The following UPF3A variants were observed in gnomAD, a reference collection of about 807,000 sequenced individuals.
The protein encoded by UPF3A is regulator of nonsense transcripts 3A.
UPF3A carries 42 observed loss-of-function variants against 53.5 expected under a neutral mutation model. The ratio of observed to expected loss-of-function variants is 0.78; its 90% confidence interval spans 0.61 to 1.01. The LOEUF is 1.01. Among genes scored for constraint, UPF3A ranks in the 50% least tolerant of loss-of-function variants. The pLI, the probability that UPF3A is intolerant of heterozygous loss-of-function variation, is 0.00. For missense variants in UPF3A, 575 were observed against 598.0 expected, an observed-to-expected ratio of 0.96 and a Z score of 0.40; for synonymous variants, 237 against 225.3, an observed-to-expected ratio of 1.05 and a Z score of -0.47.
intron 3 of UPF3A, 163 bp downstream of exon 3, chr13:114,283,106 C>T: frequency 5.4e-6 from 3 of 550,534 alleles, no homozygotes; most frequent in Non-Finnish European, 9.4e-6. Context: ...TCACTGCAGC[C>T]TCACACTGCG....
chr13:114,302,091 A>G, intron 9 of UPF3A, 66 bp downstream of exon 9: 2 of 1,395,846 alleles, frequency 1.4e-6, no homozygotes, highest in East Asian at 2.5e-5. Context: ...CATGCTGACC[A>G]TGTCACCCCC....
intron 3 of UPF3A, chr13:114,283,321 A>G (rs527256928): frequency 3.2e-5 from 5 of 155,344 alleles, no homozygotes; most frequent in African/African-American, 1.2e-4. Flanking sequence ...CATCCGGTCT[A>G]TTTGTGCATT....
intron 3 of UPF3A, chr13:114,285,904 G>A (rs1285115412): frequency 3.0e-5 from 5 of 166,518 alleles, no homozygotes; most frequent in Admixed American, 2.5e-4. Context: ...AAATTATTTG[G>A]GATGGGGCTG....
At chr13:114,291,362 CAG>C in intron 5 of UPF3A, 125 bp from the exon 6 acceptor site, 3 of 903,052 alleles carry the variant, frequency 3.3e-6, no homozygotes, top group East Asian at 2.9e-5. Flanking sequence ...CCCCTGGAGA[CAG>C]TGTGTAAATT....
At chr13:114,302,849 C>A (rs931992901) in intron 9 of UPF3A, among the ~76,000 whole-genome samples, 1 of 152,216 alleles carries the variant, frequency 6.6e-6, no homozygotes, top group Non-Finnish European at 1.5e-5. Context: ...CACCTATAAT[C>A]CCAGCACTTT....
In UPF3A at chr13:114,304,843, T is replaced by C. The variant is rs2086896416; in HGVS notation, c.1357T>C (p.Cys453Arg). Residue 453 changes from cysteine (C) to arginine (R), a missense_variant, in exon 10 of 10, where the codon TGT becomes CGT. Around this residue, in one of 2 missense-constraint regions of UPF3A, gnomAD observed 323 missense variants for 415.2 expected, o/e 0.78. Transcript: ENST00000375299. ...DPGARFRARE[C>R]GGNRRICKAE... ...AGGAGCTCGCTTCCGAGCGCGAGAG[T>C]GTGGCGGAAACAGGAGGATCTGCAA... 6.2e-7 allele frequency: 1 copy of C among 1,613,380 alleles called. No individual in the cohort carries two copies. Among genetic ancestry groups the C allele is most frequent in the Non-Finnish European group, 8.5e-7 (1 of 1,179,744 alleles).
chr13:114,292,278 G>A (rs2085367408), intron 7 of UPF3A, among the ~76,000 whole-genome samples: 1 of 149,434 alleles, frequency 6.7e-6, no homozygotes, highest in African/African-American at 2.5e-5. Context: ...AGGCGTACAC[G>A]TGCAGGTGTG....
At chr13:114,299,400 A>G (rs1443765154) in intron 8 of UPF3A, among the ~76,000 whole-genome samples, 1 of 151,656 alleles carries the variant, frequency 6.6e-6, no homozygotes, top group Non-Finnish European at 1.5e-5. Context: ...CCCCCTTGCA[A>G]TTTATCTACA....
Position 114,295,371 on chromosome 13 carries a change from CGTG to C in UPF3A, c.847-3468_847-3466del, listed in dbSNP as rs1566756931. Among the ~76,000 whole-genome samples, 815 of 133,474 alleles carry C rather than the reference CGTG, an allele frequency of 6.1e-3. 16 individuals are homozygous for C. Among genetic ancestry groups the C allele is most frequent in the South Asian group, 0.029 (120 of 4,162 alleles). 87.6% of individuals were successfully genotyped at this position (133,474 alleles called of 152,430 possible). Reference sequence around the variant, plus strand: ...CCCAGCTCGTCTCCAGCGGCTCTGGCGTGCTCCCCAGCTCGTCTCCAGCGGCTC... The same window carrying C: ...CCCAGCTCGTCTCCAGCGGCTCTGGCCTCCCCAGCTCGTCTCCAGCGGCTC... On this transcript the variant is annotated intron_variant, in intron 7 of 9. Transcript: ENST00000375299.
intron 7 of UPF3A, among the ~76,000 whole-genome samples, chr13:114,295,403 C>CCT (rs1247249448): frequency 0.019 from 2,790 of 148,122 alleles, 134 homozygotes; most frequent in African/African-American, 0.029. Flanking sequence ...GCGGCTCTGG[C>CCT]GTGCTCCCCA....
At position 114,291,780 on chromosome 13, in the gene UPF3A, A is replaced by G. The variant is rs199820994; in HGVS notation, c.834A>G (p.Glu278=). The G allele has an allele frequency of 1.6e-5, 26 of 1,593,290 alleles. No homozygotes were observed. The East Asian group carries it at 5.4e-4, about 33-fold the overall frequency. ...TDKQKKIAEK[E]VRIKLLKKPE... is the part of the protein sequence containing the mutation. ...AACAGAAGAAAATTGCAGAGAAAGA[A>G]GTAAGGATTAAGGTAATTCTGAGGA... Residue 278 remains glutamate, a synonymous_variant, in exon 7 of 10, where the codon GAA becomes GAG. Transcript: ENST00000375299.
rs12427875 is a variant in UPF3A, at chr13:114,295,261, C to T, written c.846+3469C>T. On this transcript the variant is annotated intron_variant, in intron 7 of 9. Coordinates refer to ENST00000375299, the MANE Select transcript of UPF3A (RefSeq NM_023011.4). ...CTGGGAGGGAGCACAGCTGCCCATGCGCTCCGCTTGGCCTCCGGAAGCCTT... is the reference window on the plus strand; with the variant it reads ...CTGGGAGGGAGCACAGCTGCCCATGTGCTCCGCTTGGCCTCCGGAAGCCTT... Among the ~76,000 whole-genome samples the T allele has an allele frequency of 2.3e-3, 347 of 151,988 alleles. 6 individuals are homozygous for T. In the East Asian group the frequency reaches 0.025, roughly 11 times the overall value.
At position 114,286,315 on chromosome 13, in the gene UPF3A, T is replaced by C. The variant is rs1204781490; in HGVS notation, c.435T>C (p.Pro145=). 2 of 1,614,154 alleles carry C rather than the reference T, an allele frequency of 1.2e-6. No homozygotes were observed. The highest frequency in any genetic ancestry group is 1.3e-5 in the African/African-American group (1 of 75,050). The change falls in exon 4 of 10, where the codon CCT becomes CCC. Residue 145 remains proline (P), a synonymous_variant. Transcript: ENST00000375299. ...IFLDSKGLEY[P]AVVEFAPFQK... ...TCCTGTTAAAAGGCCTAGAATATCC[T>C]GCAGTGGTAGAGTTTGCTCCATTCC... is the stretch of plus-strand genomic sequence containing the variant.
chr13:114,286,252 A>T, intron 3 of UPF3A, 50 bp from the exon 4 acceptor site: 1 of 1,603,004 alleles, frequency 6.2e-7, no homozygotes. Context: ...TTCCGAAATG[A>T]ATGTAGTAGA....
At chr13:114,282,178 G>A (rs117457594) in intron 2 of UPF3A, 51 bp downstream of exon 2, 15 of 1,450,922 alleles carry the variant, frequency 1.0e-5, no homozygotes, top group Non-Finnish European at 1.3e-5. Context: ...AGAGCTCGGC[G>A]GCGGTGGCCG....
chr13:114,297,222 G>GT (rs1181794334), intron 7 of UPF3A, among the ~76,000 whole-genome samples: 5,149 of 124,266 alleles, frequency 0.041, 115 homozygotes, highest in South Asian at 0.12. Flanking sequence ...TGGTGCTTCC[G>GT]TTTTTTTTTT....
At position 114,293,947 on chromosome 13, in the gene UPF3A, C is replaced by A. The variant is rs574489539; in HGVS notation, c.846+2155C>A. Among the ~76,000 whole-genome samples, 26 of 152,160 alleles carry A rather than the reference C, an allele frequency of 1.7e-4. No individual in the cohort carries two copies. The South Asian group carries it at 4.8e-3, about 28-fold the overall frequency. ...GACCAGCCTGGGCAACAGAGAGAGA[C>A]CCTGTTTCTGTTTTTTGTAGAGATG... On this transcript the variant is annotated intron_variant, in intron 7 of 9. Transcript: ENST00000375299.
At chr13:114,284,198 C>T (rs772610917) in intron 3 of UPF3A, 3 of 411,728 alleles carry the variant, frequency 7.3e-6, no homozygotes, top group Non-Finnish European at 9.8e-6. Context: ...CCTGTCTCTA[C>T]TAAAAATACA....
intron 7 of UPF3A, among the ~76,000 whole-genome samples, chr13:114,292,076 C>T (rs555786210): frequency 4.2e-4 from 63 of 150,826 alleles, no homozygotes; most frequent in African/African-American, 1.4e-3. Flanking sequence ...ACACGTTGGG[C>T]TGCTGCTGAC....
Sources: gnomAD v4.1 joint callset for allele counts (sites outside exome capture counted in the v4.1 genomes callset) on GRCh38, gnomAD v4.1.1 for gene constraint, gnomAD v4.1.1 regional missense constraint, MANE v1.5 for transcripts, NCBI Gene and HGNC (gene_info 2026-07-23, HGNC 2026-07-21) for gene names.